Variants in SLC25A20 observed in about 807,000 individuals in gnomAD.
SLC25A20 encodes solute carrier family 25 member 20.
A neutral mutation model predicts 39.7 loss-of-function variants in SLC25A20; 29 were observed. The ratio of observed to expected loss-of-function variants is 0.73; its 90% CI spans 0.54 to 1.00. The LOEUF (loss-of-function observed/expected upper bound fraction) is 1.00. Ranked by LOEUF, SLC25A20 falls within the 50% of genes least tolerant of loss-of-function variation. The probability of loss-of-function intolerance (pLI) is 0.00; values close to 1 mark genes in which losing one functional copy is unlikely to be tolerated. For synonymous variants in SLC25A20, 103 were observed against 142.2 expected (o/e 0.72, Z 1.96); for missense variants, 333 against 379.9 (o/e 0.88, Z 1.03).
intron 1 of SLC25A20, among the ~76,000 whole-genome samples, chr3:48,896,596 C>T (rs549714348): frequency 3.9e-5 from 6 of 151,930 alleles, no homozygotes; most frequent in South Asian, 2.1e-4. Flanking sequence ...CTGCAACCTC[C>T]GCCCTGTGGG....
intron 1 of SLC25A20, among the ~76,000 whole-genome samples, chr3:48,893,886 C>CAT (rs1559672859): frequency 4.3e-4 from 64 of 148,204 alleles, no homozygotes; most frequent in African/African-American, 1.5e-3. Flanking sequence ...GGAGGCCAGG[C>CAT]GCGGTGGCTC....
intron 4 of SLC25A20, among the ~76,000 whole-genome samples, chr3:48,863,268 C>G (rs898761743): frequency 6.6e-6 from 1 of 152,130 alleles, no homozygotes; most frequent in Non-Finnish European, 1.5e-5. Flanking sequence ...AAAAAGGAAG[C>G]GACAAATACT....
At chr3:48,892,165 G>C (rs2083882409) in intron 1 of SLC25A20, 93 bp from the exon 2 acceptor site, 2 of 929,976 alleles carry the variant, frequency 2.2e-6, no homozygotes, top group Non-Finnish European at 3.6e-6. Context: ...GAACAGGGAA[G>C]GCTGTACCCT....
At chr3:48,871,356 A>G (rs947946272) in intron 4 of SLC25A20, among the ~76,000 whole-genome samples, 23 of 152,016 alleles carry the variant, frequency 1.5e-4, no homozygotes, top group Admixed American at 1.1e-3. Flanking sequence ...AAAAAAAAAA[A>G]AGAGAATCAA....
At chr3:48,875,399 CTATT>C (rs1424870828) in intron 4 of SLC25A20, among the ~76,000 whole-genome samples, 2 of 151,718 alleles carry the variant, frequency 1.3e-5, no homozygotes, top group East Asian at 3.9e-4. Context: ...CGCACCCAGC[CTATT>C]TATTTATTTT....
chr3:48,865,646 G>A (rs2106639917), intron 4 of SLC25A20, among the ~76,000 whole-genome samples: 1 of 148,968 alleles, frequency 6.7e-6, no homozygotes, highest in South Asian at 2.1e-4. Flanking sequence ...GTGTGTGCCT[G>A]TAGTCCCAGC....
chr3:48,874,993 C>T (rs13079676), intron 4 of SLC25A20, among the ~76,000 whole-genome samples: 74 of 140,344 alleles, frequency 5.3e-4, no homozygotes, highest in East Asian at 2.4e-3. Flanking sequence ...AACCAGGAGG[C>T]GGAGGTTGCA....
At chr3:48,878,044 C>T (rs2083771413) in intron 4 of SLC25A20, among the ~76,000 whole-genome samples, 1 of 151,876 alleles carries the variant, frequency 6.6e-6, no homozygotes, top group Non-Finnish European at 1.5e-5. Context: ...GGGCAGATCA[C>T]AAGGTTAAGA....
Position 48,858,409 on chromosome 3 carries a change from CTG to C in SLC25A20, c.843+96_843+97del, listed in dbSNP as rs893333530. On this transcript the variant is annotated intron_variant, in intron 8 of 8. Transcript: ENST00000319017. ...GGCTGAAGATAGGGCTTTGGGAAAA[CTG>C]AGACCCCAGTCCTATCCCAGGAACA... 1.5e-5 allele frequency: 23 copies of C among 1,555,628 alleles called. No homozygotes were observed. In the African/African-American group the frequency reaches 3.0e-4, roughly 20 times the overall value.
chr3:48,865,716 C>T (rs2083662203), intron 4 of SLC25A20, among the ~76,000 whole-genome samples: 1 of 148,558 alleles, frequency 6.7e-6, no homozygotes, highest in Admixed American at 6.8e-5. Flanking sequence ...TTGCAGTGAG[C>T]TGATATCGCG....
intron 1 of SLC25A20, among the ~76,000 whole-genome samples, chr3:48,894,921 G>A (rs555993872): frequency 2.0e-5 from 3 of 152,290 alleles, no homozygotes; most frequent in South Asian, 2.1e-4. Context: ...AGGTTCAAGC[G>A]ATTCTCCTGC....
At chr3:48,880,574 CTTTTT>C (rs35306259) in intron 3 of SLC25A20, among the ~76,000 whole-genome samples, 3 of 73,092 alleles carry the variant, frequency 4.1e-5, no homozygotes, top group Non-Finnish European at 2.5e-5. Context: ...CTGTGCCCGG[CTTTTT>C]TTTTTTTTTT....
At chr3:48,861,021 G>T (rs1026069258) in intron 5 of SLC25A20, among the ~76,000 whole-genome samples, 1 of 151,222 alleles carries the variant, frequency 6.6e-6, no homozygotes, top group African/African-American at 2.4e-5. Flanking sequence ...TAGAGATGGG[G>T]TTTCACCATA....
chr3:48,863,273 A>G (rs2083640406), intron 4 of SLC25A20, among the ~76,000 whole-genome samples: 1 of 152,228 alleles, frequency 6.6e-6, no homozygotes, highest in Admixed American at 6.5e-5. Flanking sequence ...GGAAGCGACA[A>G]ATACTTTAGT....
chr3:48,897,571 AC>A (rs944546615), intron 1 of SLC25A20, among the ~76,000 whole-genome samples: 11 of 151,978 alleles, frequency 7.2e-5, no homozygotes, highest in Admixed American at 7.2e-4. Flanking sequence ...TTGCACAATG[AC>A]CTAGCCAGTC....
At chr3:48,877,590 G>A (rs925656521) in intron 4 of SLC25A20, among the ~76,000 whole-genome samples, 5 of 151,070 alleles carry the variant, frequency 3.3e-5, no homozygotes, top group African/African-American at 7.3e-5. Context: ...TTAGCTGGGC[G>A]TGGTGGCGCA....
At chr3:48,894,193 C>CTCTT in intron 1 of SLC25A20, among the ~76,000 whole-genome samples, 1 of 147,542 alleles carries the variant, frequency 6.8e-6, no homozygotes, top group East Asian at 2.0e-4. Flanking sequence ...TTCTCTCTCT[C>CTCTT]TCTCTCTCTC....
intron 4 of SLC25A20, among the ~76,000 whole-genome samples, chr3:48,867,721 CAA>C (rs1354327328): frequency 1.3e-5 from 2 of 150,692 alleles, no homozygotes; most frequent in Non-Finnish European, 3.0e-5. Flanking sequence ...ATCCAGTGCA[CAA>C]AGAGGCCTGG....
intron 4 of SLC25A20, among the ~76,000 whole-genome samples, chr3:48,864,878 C>T (rs2106639475): frequency 6.6e-6 from 1 of 152,106 alleles, no homozygotes; most frequent in South Asian, 2.1e-4. Flanking sequence ...GAAAGCCAGC[C>T]TAATTGCTCA....
Sources: allele counts gnomAD v4.1 joint callset (sites outside exome capture counted in the v4.1 genomes callset), GRCh38; gene constraint gnomAD v4.1.1; transcripts MANE v1.5; gene names NCBI Gene and HGNC (gene_info 2026-07-23, HGNC 2026-07-21).